Variants in EYS observed in about 807,000 individuals in gnomAD.
EYS encodes the protein EGF-like photoreceptor maintenance factor.
A neutral mutation model predicts 282.1 loss-of-function variants in EYS; 250 were observed. The ratio of observed to expected loss-of-function variants is 0.89; its 90% CI spans 0.80 to 0.98. The LOEUF is 0.98. EYS is among the 50% of genes least tolerant of loss of function. The pLI is 0.00. For missense variants in EYS, 4,016 were observed against 3,709.0 expected (o/e 1.08, Z -2.15); for synonymous variants, 1,355 against 1,282.9 (o/e 1.06, Z -1.20).
intron 2 of EYS, among the ~76,000 whole-genome samples, chr6:65,554,085 A>G (rs1403301496): frequency 6.6e-6 from 1 of 152,088 alleles, no homozygotes; most frequent in African/African-American, 2.4e-5. Context: ...TAAGGATATG[A>G]GAAGACGGCA....
chr6:64,006,388 G>T (rs1468933316), intron 33 of EYS, among the ~76,000 whole-genome samples: 3 of 151,982 alleles, frequency 2.0e-5, no homozygotes, highest in South Asian at 4.2e-4. Context: ...GATATTTTGG[G>T]CAGAGACTAT....
At chr6:65,066,954 C>T (rs4320349) in intron 12 of EYS, among the ~76,000 whole-genome samples, 2,831 of 152,108 alleles carry the variant, frequency 0.019, 31 homozygotes, top group South Asian at 0.025. Flanking sequence ...ATTCCTGAAA[C>T]GACAGAGGAG....
chr6:63,747,802 T>C (rs1052976570), intron 41 of EYS, among the ~76,000 whole-genome samples: 40 of 152,214 alleles, frequency 2.6e-4, no homozygotes, highest in African/African-American at 9.6e-4. Flanking sequence ...ATTTGCTTGG[T>C]AAATGTTCCT....
chr6:64,750,457 G>A (rs934838767), intron 22 of EYS, among the ~76,000 whole-genome samples: 1 of 150,172 alleles, frequency 6.7e-6, no homozygotes, highest in Non-Finnish European at 1.5e-5. Context: ...AAATATTACA[G>A]AGAAGCTAAA....
At chr6:65,185,269 C>T (rs1195550043) in intron 12 of EYS, among the ~76,000 whole-genome samples, 1 of 151,672 alleles carries the variant, frequency 6.6e-6, no homozygotes, top group African/African-American at 2.4e-5. Context: ...TCATGTCCCA[C>T]CCAAACTAGA....
At chr6:64,945,971 T>G in intron 14 of EYS, 57 bp from the exon 15 acceptor site, 1 of 1,309,168 alleles carries the variant, frequency 7.6e-7, no homozygotes. Context: ...AAGCCTATAA[T>G]ACAGATATTA....
chr6:63,815,126 T>C (rs560787013), intron 36 of EYS, among the ~76,000 whole-genome samples: 11 of 152,330 alleles, frequency 7.2e-5, no homozygotes, highest in Non-Finnish European at 1.2e-4. Flanking sequence ...TTTCAAGATA[T>C]GGCTGTTTAG....
At chr6:64,237,163 T>C (rs1185886744) in intron 30 of EYS, among the ~76,000 whole-genome samples, 1 of 152,234 alleles carries the variant, frequency 6.6e-6, no homozygotes. Flanking sequence ...AGAAACTTGC[T>C]GTTGTTTCAA....
intron 12 of EYS, among the ~76,000 whole-genome samples, chr6:65,214,158 C>CAAAAAAAAA (rs58213904): frequency 2.4e-4 from 7 of 29,256 alleles, no homozygotes; most frequent in African/African-American, 3.0e-4. Context: ...GACTCCGTCT[C>CAAAAAAAAA]AAAAAAAAAA....
At chr6:64,664,637 C>G (rs889662839) in intron 22 of EYS, among the ~76,000 whole-genome samples, 1 of 152,112 alleles carries the variant, frequency 6.6e-6, no homozygotes, top group East Asian at 1.9e-4. Flanking sequence ...GAGACTTTTA[C>G]CAAATGATTA....
chr6:65,123,371 G>C (rs921025010), intron 12 of EYS, among the ~76,000 whole-genome samples: 10 of 151,974 alleles, frequency 6.6e-5, no homozygotes, highest in African/African-American at 2.4e-4. Flanking sequence ...TTAGAAAATA[G>C]AGGAAGTCAC....
chr6:64,715,034 T>G (rs1179505875), intron 22 of EYS, among the ~76,000 whole-genome samples: 7 of 150,088 alleles, frequency 4.7e-5, no homozygotes, highest in Non-Finnish European at 1.0e-4. Context: ...GTCCCCAGTT[T>G]TTTTTTTTTG....
chr6:65,090,551 T>C (rs1774529392), intron 12 of EYS, among the ~76,000 whole-genome samples: 1 of 152,170 alleles, frequency 6.6e-6, no homozygotes, highest in Admixed American at 6.6e-5. Flanking sequence ...TTCTCTACAT[T>C]GCAAAGCAGA....
chr6:64,169,623 T>C (rs1764416490), intron 31 of EYS, among the ~76,000 whole-genome samples: 1 of 152,084 alleles, frequency 6.6e-6, no homozygotes, highest in Non-Finnish European at 1.5e-5. Context: ...GTTAAGGTGT[T>C]AGCCCATGAT....
chr6:65,572,334 G>T (rs1365497500), intron 2 of EYS, among the ~76,000 whole-genome samples: 1 of 152,040 alleles, frequency 6.6e-6, no homozygotes, highest in Non-Finnish European at 1.5e-5. Context: ...TAAAATACAT[G>T]TCTTGGTTCT....
At chr6:65,572,519 C>A (rs962543498) in intron 2 of EYS, among the ~76,000 whole-genome samples, 16 of 152,180 alleles carry the variant, frequency 1.1e-4, no homozygotes, top group African/African-American at 3.9e-4. Context: ...AATTATATTT[C>A]TTTCTACTAG....
At chr6:64,781,641 T>C (rs1378201380) in intron 22 of EYS, among the ~76,000 whole-genome samples, 11 of 151,200 alleles carry the variant, frequency 7.3e-5, no homozygotes, top group Non-Finnish European at 2.9e-5. Context: ...AATCCAGATA[T>C]GGATAACCCT....
At chr6:64,506,437 C>T (rs1264061749) in intron 26 of EYS, among the ~76,000 whole-genome samples, 1 of 152,086 alleles carries the variant, frequency 6.6e-6, no homozygotes, top group East Asian at 1.9e-4. Flanking sequence ...AAGGAAGAAA[C>T]ATGTACACTT....
At chr6:65,470,152 T>C (rs1248730772) in intron 5 of EYS, among the ~76,000 whole-genome samples, 1 of 152,104 alleles carries the variant, frequency 6.6e-6, no homozygotes. Context: ...TCCAACTGAG[T>C]ATCAAGGAGA....
Sources: gnomAD v4.1 joint callset for allele counts (sites outside exome capture counted in the v4.1 genomes callset) on GRCh38, gnomAD v4.1.1 for gene constraint, MANE v1.5 for transcripts, NCBI Gene and HGNC (gene_info 2026-07-23, HGNC 2026-07-21) for gene names.